CNPY1: variants seen among roughly 807,000 people sequenced by gnomAD.
CNPY1 encodes the protein protein canopy homolog 1.
In CNPY1, 14 loss-of-function variants were observed where a neutral mutation model predicts 14.4. The observed-to-expected ratio is 0.97, with a 90% CI of 0.64 to 1.52. CNPY1 has a LOEUF of 1.52. CNPY1 is among the 40% of genes most tolerant of loss of function. The pLI, the probability that CNPY1 is intolerant of heterozygous loss-of-function variation, is 0.00. For synonymous variants in CNPY1, 43 were observed against 46.5 expected (o/e 0.92, Z 0.31); for missense variants, 129 against 131.5 (o/e 0.98, Z 0.09).
At chr7:155,528,508 T>C (rs4716667) in intron 2 of CNPY1, among the ~76,000 whole-genome samples, 8,529 of 152,260 alleles carry the variant, frequency 0.056, 744 homozygotes, top group African/African-American at 0.19. Context: ...TCATTCTAAC[T>C]GGAGAGAAGG....
At chr7:155,535,585 G>A (rs568018502) in intron 2 of CNPY1, among the ~76,000 whole-genome samples, 3 of 152,300 alleles carry the variant, frequency 2.0e-5, no homozygotes, top group Admixed American at 6.5e-5. Flanking sequence ...TCATGAGACA[G>A]GTCCAACCAA....
chr7:155,534,755 A>T (rs1437791617), intron 2 of CNPY1, among the ~76,000 whole-genome samples: 1 of 152,214 alleles, frequency 6.6e-6, no homozygotes, highest in Non-Finnish European at 1.5e-5. Context: ...GCCTCCGGTG[A>T]AGGCCACAGT....
intron 4 of CNPY1, among the ~76,000 whole-genome samples, chr7:155,504,347 T>C (rs1301748239): frequency 1.3e-5 from 2 of 152,196 alleles, no homozygotes; most frequent in African/African-American, 4.8e-5. Flanking sequence ...ATATATATTT[T>C]CTCCATTCTT....
Position 155,504,629 on chromosome 7 carries a change from G to A in CNPY1, c.401-1524C>T, listed in dbSNP as rs74922567. Among the ~76,000 whole-genome samples, 938 of 151,756 alleles carry A rather than the reference G, an allele frequency of 6.2e-3. 10 individuals are homozygous for A. The highest frequency in any genetic ancestry group is 0.022 in the African/African-American group (900 of 41,280). ...TGTGAATATTTTAACAGCATAGAGC[G>A]TTGCACGTAGTATACACTCAGTAAA... is the stretch of plus-strand genomic sequence containing the variant. On this transcript the variant is annotated intron_variant, in intron 4 of 4. Coordinates refer to ENST00000636446, the MANE Select transcript of CNPY1 (RefSeq NM_001393663.1).
At chr7:155,539,018 G>A (rs536587699) in intron 2 of CNPY1, among the ~76,000 whole-genome samples, 1 of 152,324 alleles carries the variant, frequency 6.6e-6, no homozygotes, top group Admixed American at 6.5e-5. Flanking sequence ...CCAGGGGCCA[G>A]GAGCCAGCTT....
intron 4 of CNPY1, among the ~76,000 whole-genome samples, chr7:155,503,688 G>A (rs979201487): frequency 9.2e-5 from 14 of 152,172 alleles, no homozygotes; most frequent in African/African-American, 2.9e-4. Flanking sequence ...TTTAAATGTA[G>A]GCTGAACATT....
chr7:155,507,131 TAAC>T lies in CNPY1; in HGVS notation c.304-18_304-16del, dbSNP rs1796344291. ...ATAGTTTCACACTGTAGAAACATAA[TAAC>T]AACATATGTGGATAGACGCACACTG... On this transcript the variant is annotated splice_polypyrimidine_tract_variant and intron_variant, in intron 3 of 4. Coordinates refer to ENST00000636446, the MANE Select transcript of CNPY1 (RefSeq NM_001393663.1). 2.7e-6 allele frequency: 4 copies of T among 1,498,656 alleles called. No individual in the cohort carries two copies. Among genetic ancestry groups the T allele is most frequent in the Non-Finnish European group, 3.7e-6 (4 of 1,077,942 alleles). 92.8% of individuals were successfully genotyped at this position (1,498,656 alleles called of 1,614,324 possible). A position where few individuals can be genotyped will look rare whatever the true frequency, so the allele number is the denominator to read the frequency against.
chr7:155,521,473 C>A (rs886640219), intron 2 of CNPY1, among the ~76,000 whole-genome samples: 18 of 152,148 alleles, frequency 1.2e-4, no homozygotes, highest in African/African-American at 4.3e-4. Flanking sequence ...CACAAGGGTC[C>A]TGCTGGATGT....
intron 2 of CNPY1, among the ~76,000 whole-genome samples, chr7:155,538,669 A>G (rs578138725): frequency 2.6e-5 from 4 of 152,100 alleles, no homozygotes; most frequent in Non-Finnish European, 4.4e-5. Context: ...TATGAGGGGG[A>G]GTTCTGGGGG....
At chr7:155,533,192 G>A (rs1249187200) in intron 2 of CNPY1, among the ~76,000 whole-genome samples, 1 of 152,190 alleles carries the variant, frequency 6.6e-6, no homozygotes, top group Non-Finnish European at 1.5e-5. Flanking sequence ...AAACGGCGCG[G>A]CCTCGCTCAC....
At chr7:155,527,892 C>T (rs983746180) in intron 2 of CNPY1, among the ~76,000 whole-genome samples, 2 of 152,258 alleles carry the variant, frequency 1.3e-5, no homozygotes, top group African/African-American at 4.8e-5. Context: ...CAGGGATCTC[C>T]AGGAGCCTCT....
chr7:155,523,608 C>T (rs1796766643), intron 2 of CNPY1, among the ~76,000 whole-genome samples: 1 of 152,108 alleles, frequency 6.6e-6, no homozygotes, highest in Admixed American at 6.5e-5. Flanking sequence ...ACCCCTGCCA[C>T]CCAAGAACAA....
At chr7:155,510,868 A>G (rs10272570) in intron 2 of CNPY1, among the ~76,000 whole-genome samples, 54,850 of 152,196 alleles carry the variant, frequency 0.36, 10,329 homozygotes, top group African/African-American at 0.47. Context: ...TAATCACTGG[A>G]AAAACTATAA....
In CNPY1 at chr7:155,546,547, G is replaced by C; in HGVS notation, c.-133C>G. The stretch of plus-strand genomic sequence containing the variant: ...GACAGAGTCTTGCTCTGTCACCCAG[G>C]CTGGAGTGCAGTGGTGCAATCTCAG... On this transcript the variant is annotated 5_prime_UTR_variant, in exon 1 of 5. Transcript: ENST00000636446. The C allele has an allele frequency of 2.6e-6, 1 of 389,972 alleles. No homozygotes were observed. The highest frequency in any genetic ancestry group is 4.5e-5 in the Admixed American group (1 of 22,454). The allele number at this position is 389,972 out of a possible 1,614,324, so 24.2% of individuals were successfully genotyped here. A position where few individuals can be genotyped will look rare whatever the true frequency, so the allele number is the denominator to read the frequency against.
At chr7:155,527,445 T>TC (rs1563093556) in intron 2 of CNPY1, among the ~76,000 whole-genome samples, 1 of 132,926 alleles carries the variant, frequency 7.5e-6, no homozygotes, top group African/African-American at 2.9e-5. Context: ...TTTTTTTTTT[T>TC]TTTTTTTTTT....
intron 2 of CNPY1, among the ~76,000 whole-genome samples, chr7:155,541,276 C>T (rs958759896): frequency 6.6e-6 from 1 of 152,218 alleles, no homozygotes; most frequent in South Asian, 2.1e-4. Context: ...TCGAGCAAGA[C>T]GTGGCACGTG....
intron 2 of CNPY1, among the ~76,000 whole-genome samples, chr7:155,529,559 C>T (rs185122312): frequency 3.6e-4 from 55 of 152,236 alleles, no homozygotes; most frequent in African/African-American, 1.3e-3. Context: ...CTCGGCATTC[C>T]TTGGCTTATG....
At chr7:155,523,719 C>T (rs1040500225) in intron 2 of CNPY1, among the ~76,000 whole-genome samples, 3 of 152,204 alleles carry the variant, frequency 2.0e-5, no homozygotes, top group African/African-American at 4.8e-5. Context: ...GTGGGTTGGG[C>T]TGTGTCCCCC....
chr7:155,537,424 CTTTTT>C (rs557551511), intron 2 of CNPY1, among the ~76,000 whole-genome samples: 44 of 137,774 alleles, frequency 3.2e-4, no homozygotes, highest in African/African-American at 1.0e-3. Context: ...TTTTTCTTTT[CTTTTT>C]TTTTTTTTTT....
Sources: allele counts gnomAD v4.1 joint callset (sites outside exome capture counted in the v4.1 genomes callset), GRCh38; gene constraint gnomAD v4.1.1; transcripts MANE v1.5; gene names NCBI Gene and HGNC (gene_info 2026-07-23, HGNC 2026-07-21).